ARHGEF26: variants seen among roughly 807,000 people sequenced by gnomAD.
ARHGEF26 encodes Rho guanine nucleotide exchange factor 26, also known as Rho guanine nucleotide exchange factor (GEF) 26.
In ARHGEF26, 59 loss-of-function variants were observed where a neutral mutation model predicts 89.4. That is an observed-to-expected ratio of 0.66 (90% CI 0.54 to 0.82). The LOEUF (loss-of-function observed/expected upper bound fraction) is 0.82, where lower values mean the gene tolerates loss of function less well. Among genes scored for constraint, ARHGEF26 ranks in the 40% least tolerant of loss-of-function variants. The pLI is 0.00. For missense variants in ARHGEF26, 1,234 were observed against 1,085.6 expected (o/e 1.14, Z -1.92); for synonymous variants, 500 against 428.4 (o/e 1.17, Z -2.06).
At chr3:154,200,574 T>G (rs575321042) in intron 9 of ARHGEF26, among the ~76,000 whole-genome samples, 2 of 152,150 alleles carry the variant, frequency 1.3e-5, no homozygotes, top group African/African-American at 4.8e-5. Flanking sequence ...CATTTTAGGA[T>G]TTTTTATATT....
At chr3:154,206,136 T>G (rs183866325) in intron 9 of ARHGEF26, among the ~76,000 whole-genome samples, 1 of 152,304 alleles carries the variant, frequency 6.6e-6, no homozygotes, top group Admixed American at 6.5e-5. Flanking sequence ...CCTTCATGTT[T>G]GAAGGATATT....
rs1336749683 is a variant in ARHGEF26, at chr3:154,210,977, G to A, written c.1846-6892G>A. On this transcript the variant is annotated intron_variant, in intron 9 of 14. Transcript: ENST00000465093. ...AAAAAAAATTTGTCTGGGAGGTGGGGCCTGGAACGGGGGCCTCACAACAGT... is the reference window on the plus strand; with the variant it reads ...AAAAAAAATTTGTCTGGGAGGTGGGACCTGGAACGGGGGCCTCACAACAGT... Among the ~76,000 whole-genome samples the A allele has an allele frequency of 2.0e-5, 3 of 151,812 alleles. No individual in the cohort carries two copies. In the East Asian group the frequency reaches 5.9e-4, roughly 30 times the overall value.
rs199680317 is a variant in ARHGEF26 at position 154,121,948 on chromosome 3, C to T, written c.-45C>T. 38 of 1,543,720 alleles carry T rather than the reference C, an allele frequency of 2.5e-5. No homozygotes were observed. The Admixed American group carries it at 6.2e-4, about 25-fold the overall frequency. ...TAACTTCTTTCCTCTTTAGGCAAGA[C>T]TAACTCGGTGTTGCTCCTCCCGGCG... is the stretch of plus-strand genomic sequence containing the variant. On this transcript the variant is annotated 5_prime_UTR_variant, in exon 2 of 15. Transcript: ENST00000465093.
At chr3:154,249,689 A>C (rs1201398689) in intron 12 of ARHGEF26, among the ~76,000 whole-genome samples, 1 of 152,146 alleles carries the variant, frequency 6.6e-6, no homozygotes, top group Non-Finnish European at 1.5e-5. Flanking sequence ...GGCCTGTGCA[A>C]AGTGAATGTG....
rs1341662369 is a variant in ARHGEF26 at position 154,122,241 on chromosome 3, T to C, written c.249T>C (p.Leu83=). 2 of 1,611,076 alleles carry C rather than the reference T, an allele frequency of 1.2e-6. No individual in the cohort carries two copies. Among genetic ancestry groups the C allele is most frequent in the Non-Finnish European group, 1.7e-6 (2 of 1,179,066 alleles). The change falls in exon 2 of 15, where the codon CTT becomes CTC. Residue 83 remains leucine (L), a synonymous_variant. Transcript: ENST00000465093. ...DSRTVHRSPL[L]LGAQRRAVAN... is the part of the protein sequence containing the mutation. ...GGACGGTACATAGGAGCCCCCTGCT[T>C]CTGGGCGCCCAGCGGAGAGCGGTGG... is the stretch of plus-strand genomic sequence containing the variant.
At chr3:154,193,456 G>C (rs928585202) in intron 8 of ARHGEF26, among the ~76,000 whole-genome samples, 1 of 152,138 alleles carries the variant, frequency 6.6e-6, no homozygotes, top group African/African-American at 2.4e-5. Context: ...GGCTTGGCTT[G>C]GTGCTTCTGT....
At chr3:154,172,875 A>G (rs889703595) in intron 6 of ARHGEF26, among the ~76,000 whole-genome samples, 4 of 152,190 alleles carry the variant, frequency 2.6e-5, no homozygotes, top group African/African-American at 4.8e-5. Flanking sequence ...ATAAACATAA[A>G]TTGCATAAGT....
intron 4 of ARHGEF26, among the ~76,000 whole-genome samples, chr3:154,133,005 T>C (rs955004414): frequency 6.6e-6 from 1 of 152,180 alleles, no homozygotes; most frequent in African/African-American, 2.4e-5. Context: ...TGAGTGCACA[T>C]GTGCATTAGC....
intron 6 of ARHGEF26, among the ~76,000 whole-genome samples, chr3:154,176,937 C>T (rs9856142): frequency 0.18 from 27,771 of 152,072 alleles, 2,848 homozygotes; most frequent in South Asian, 0.36. Flanking sequence ...CACCTCTGTG[C>T]CTGGCTTGGT....
At chr3:154,182,967 C>T (rs1263220601) in intron 6 of ARHGEF26, among the ~76,000 whole-genome samples, 3 of 152,088 alleles carry the variant, frequency 2.0e-5, no homozygotes, top group South Asian at 2.1e-4. Flanking sequence ...TTTTAAAAAA[C>T]GTTAGAAGAA....
intron 9 of ARHGEF26, among the ~76,000 whole-genome samples, chr3:154,217,153 A>G (rs902487549): frequency 3.3e-5 from 5 of 151,244 alleles, no homozygotes; most frequent in East Asian, 2.0e-4. Flanking sequence ...TCCCACCAAC[A>G]GTGTAAAAGT....
chr3:154,225,768 G>GT, intron 10 of ARHGEF26, 88 bp from the exon 11 acceptor site: 1 of 1,381,750 alleles, frequency 7.2e-7, no homozygotes, highest in Non-Finnish European at 9.7e-7. Flanking sequence ...AGTATCATTT[G>GT]TTTGAATGTA....
At chr3:154,239,285 AGAGAGAGAGAGAGAGTGTGTGT>A (rs1559920497) in intron 11 of ARHGEF26, among the ~76,000 whole-genome samples, 18 of 104,348 alleles carry the variant, frequency 1.7e-4, no homozygotes, top group African/African-American at 6.8e-4. Context: ...AGAGAGAGAG[AGAGAGAGAGAGAGAGTGTGTGT>A]GTGTGTGTGT....
chr3:154,254,206 T>C (rs1718336628), intron 13 of ARHGEF26, among the ~76,000 whole-genome samples: 1 of 152,198 alleles, frequency 6.6e-6, no homozygotes, highest in Admixed American at 6.5e-5. Flanking sequence ...TGAGCCACCG[T>C]GCCCGGCCAC....
intron 9 of ARHGEF26, among the ~76,000 whole-genome samples, chr3:154,206,561 G>A (rs1232298408): frequency 6.6e-6 from 1 of 152,114 alleles, no homozygotes; most frequent in Non-Finnish European, 1.5e-5. Flanking sequence ...AACAAGGGAA[G>A]TAAGGACCTC....
chr3:154,223,946 A>G (rs1716301371), intron 10 of ARHGEF26, among the ~76,000 whole-genome samples: 1 of 147,942 alleles, frequency 6.8e-6, no homozygotes, highest in Admixed American at 6.9e-5. Flanking sequence ...TTTTATGCCA[A>G]GGCTAGCTTT....
intron 12 of ARHGEF26, among the ~76,000 whole-genome samples, chr3:154,252,382 TTTAA>T (rs754616378): frequency 7.2e-5 from 11 of 152,292 alleles, no homozygotes; most frequent in Non-Finnish European, 1.5e-4. Flanking sequence ...CGGGGCAGTA[TTTAA>T]TTAATTGTAA....
intron 9 of ARHGEF26, among the ~76,000 whole-genome samples, chr3:154,212,655 G>C (rs1715449832): frequency 2.6e-5 from 4 of 152,096 alleles, no homozygotes; most frequent in Admixed American, 2.6e-4. Context: ...TTTCACCTCA[G>C]ATCATCAGGC....
chr3:154,163,072 C>G (rs529873236), intron 6 of ARHGEF26, among the ~76,000 whole-genome samples: 2 of 152,190 alleles, frequency 1.3e-5, no homozygotes, highest in African/African-American at 2.4e-5. Context: ...AAATAATTGT[C>G]TTACTTGTTT....
Sources: allele counts gnomAD v4.1 joint callset (sites outside exome capture counted in the v4.1 genomes callset), GRCh38; gene constraint gnomAD v4.1.1; transcripts MANE v1.5; gene names NCBI Gene and HGNC (gene_info 2026-07-23, HGNC 2026-07-21).